NFIB: variants seen among roughly 807,000 people sequenced by gnomAD.
NFIB encodes the protein nuclear factor 1 B-type.
In NFIB, 11 loss-of-function variants were observed where a neutral mutation model predicts 61.5. The observed-to-expected ratio is 0.18, with a 90% confidence interval of 0.11 to 0.30. The LOEUF is 0.30. NFIB is among the 10% of genes least tolerant of loss of function. NFIB has a pLI of 1.00. For missense variants in NFIB, 471 were observed against 608.9 expected, an observed-to-expected ratio of 0.77 and a Z score of 2.38; for synonymous variants, 260 against 216.5, an observed-to-expected ratio of 1.20 and a Z score of -1.76.
chr9:14,387,303 C>T (rs564780701), intron 1 of NFIB, among the ~76,000 whole-genome samples: 2 of 152,292 alleles, frequency 1.3e-5, no homozygotes, highest in South Asian at 2.1e-4. Context: ...GTAGCAAGCA[C>T]GGTGACATCA....
At position 14,335,925 on chromosome 9, in the gene NFIB, G is replaced by T. The variant is rs141140960; in HGVS notation, c.109-28405C>A. ...TTGTTCCAACACCATCTATTGAAAA[G>T]ACTTTTTTCCCCCACTGAATCGAGT... On this transcript the variant is annotated intron_variant, in intron 1 of 8. Transcript: ENST00000380934. Among the ~76,000 whole-genome samples, 9 of 152,288 alleles carry T rather than the reference G, an allele frequency of 5.9e-5. No individual in the cohort carries two copies. The East Asian group carries it at 1.5e-3, about 26-fold the overall frequency.
At chr9:14,502,980 A>G in the NFIB span, among the ~76,000 whole-genome samples, 2 of 151,926 alleles carry the variant, frequency 1.3e-5, no homozygotes, top group Non-Finnish European at 2.9e-5. Context: ...CAATGTTTTC[A>G]GTTTTCCATT....
intron 2 of NFIB, among the ~76,000 whole-genome samples, chr9:14,227,662 A>G (rs2052602726): frequency 1.3e-5 from 2 of 152,164 alleles, no homozygotes; most frequent in Non-Finnish European, 2.9e-5. Flanking sequence ...CACCCCTTAC[A>G]TATGTCAATT....
chr9:14,335,791 A>G (rs1239236160), intron 1 of NFIB, among the ~76,000 whole-genome samples: 1 of 152,162 alleles, frequency 6.6e-6, no homozygotes, highest in Non-Finnish European at 1.5e-5. Flanking sequence ...TCTTTCAGAA[A>G]TTTTATAGTT....
chr9:14,506,580 G>A, the NFIB span, among the ~76,000 whole-genome samples: 2 of 152,096 alleles, frequency 1.3e-5, no homozygotes, highest in African/African-American at 4.8e-5. Context: ...GAGCTGTGAA[G>A]GAAAATAAAT....
In NFIB at chr9:14,313,801, G is replaced by A; in HGVS notation, c.-290C>T. The A allele has an allele frequency of 7.5e-7, 1 of 1,331,834 alleles. No homozygotes were observed. The highest frequency in any genetic ancestry group is 9.6e-7 in the Non-Finnish European group (1 of 1,041,270). 82.5% of individuals were successfully genotyped at this position (1,331,834 alleles called of 1,614,324 possible). A position where few individuals can be genotyped will look rare whatever the true frequency, so the allele number is the denominator to read the frequency against. The stretch of plus-strand genomic sequence containing the variant: ...CTTGCCGAGGCCGCCGCCGCCGCCG[G>A]TGTTGGCTGCTTTTCGCCTGGGTTT... On this transcript the variant is annotated 5_prime_UTR_variant, in exon 1 of 11. Transcript: ENST00000380953. The surrounding 1 kb of genome is among the most constrained non-coding windows in gnomAD (Gnocchi z 4.5).
At chr9:14,170,938 T>G (rs1211359377) in intron 3 of NFIB, among the ~76,000 whole-genome samples, 1 of 152,222 alleles carries the variant, frequency 6.6e-6, no homozygotes, top group Non-Finnish European at 1.5e-5. Flanking sequence ...TATTAAAATT[T>G]TACTTGGATT....
the NFIB span, among the ~76,000 whole-genome samples, chr9:14,435,719 C>A: frequency 1.3e-5 from 2 of 152,262 alleles, no homozygotes; most frequent in African/African-American, 4.8e-5. Context: ...AATGTGAAAA[C>A]AAACCAATAG....
At chr9:14,115,465 T>C (rs2037983995) in intron 9 of NFIB, among the ~76,000 whole-genome samples, 2 of 152,188 alleles carry the variant, frequency 1.3e-5, no homozygotes, top group African/African-American at 4.8e-5. Flanking sequence ...TCTATACTTC[T>C]AAGTATTTTA....
chr9:14,493,101 C>T, the NFIB span, among the ~76,000 whole-genome samples: 1 of 152,190 alleles, frequency 6.6e-6, no homozygotes, highest in African/African-American at 2.4e-5. Context: ...CTCAGTTCTT[C>T]TCACTCTAAG....
At chr9:14,370,076 A>AAACACCCAG (rs1240542071) in intron 1 of NFIB, among the ~76,000 whole-genome samples, 6 of 152,174 alleles carry the variant, frequency 3.9e-5, no homozygotes, top group Non-Finnish European at 1.5e-5. Flanking sequence ...CGCCATCTCC[A>AAACACCCAG]AACACCCAGT....
intron 1 of NFIB, among the ~76,000 whole-genome samples, chr9:14,383,430 CAGG>C (rs1178194975): frequency 6.6e-6 from 1 of 152,082 alleles, no homozygotes; most frequent in Non-Finnish European, 1.5e-5. Context: ...GCTGTTACAC[CAGG>C]AGGAGAGAAA....
the NFIB span, among the ~76,000 whole-genome samples, chr9:14,427,680 A>G: frequency 6.6e-6 from 1 of 152,066 alleles, no homozygotes; most frequent in African/African-American, 2.4e-5. Context: ...AGGAATAGAG[A>G]GCTTATGTTT....
the NFIB span, among the ~76,000 whole-genome samples, chr9:14,418,739 A>G: frequency 2.6e-5 from 4 of 152,210 alleles, no homozygotes; most frequent in Non-Finnish European, 5.9e-5. Flanking sequence ...AAATTCCCAT[A>G]TTACATTCAA....
the NFIB span, among the ~76,000 whole-genome samples, chr9:14,468,587 GCTC>G: frequency 6.6e-6 from 1 of 152,160 alleles, no homozygotes; most frequent in Non-Finnish European, 1.5e-5. Flanking sequence ...GCTCTAATTT[GCTC>G]CTCTTTCAGC....
the NFIB span, among the ~76,000 whole-genome samples, chr9:14,454,026 G>A: frequency 1.1e-4 from 17 of 152,020 alleles, no homozygotes; most frequent in Admixed American, 3.3e-4. Context: ...CCGAGATCGC[G>A]CCACTGCACT....
the NFIB span, among the ~76,000 whole-genome samples, chr9:14,481,875 T>G: frequency 6.6e-6 from 1 of 152,078 alleles, no homozygotes; most frequent in African/African-American, 2.4e-5. Context: ...TTTCCTCTCT[T>G]TCCCCAGTTC....
chr9:14,231,167 T>TATATATATATATATATATATATA (rs2053148843), intron 2 of NFIB, among the ~76,000 whole-genome samples: 1 of 139,296 alleles, frequency 7.2e-6, no homozygotes, highest in Non-Finnish European at 1.5e-5. Flanking sequence ...TATATATATA[T>TATATATATATATATATATATATA]TCGTTGAGAC....
chr9:14,356,126 C>G (rs1005139064), intron 1 of NFIB, among the ~76,000 whole-genome samples: 4 of 152,074 alleles, frequency 2.6e-5, no homozygotes, highest in Non-Finnish European at 5.9e-5. Flanking sequence ...ATTATGGGGT[C>G]CCAAACAAAA....
Sources: gnomAD v4.1 joint callset for allele counts (sites outside exome capture counted in the v4.1 genomes callset) on GRCh38, gnomAD v4.1.1 for gene constraint, Gnocchi (gnomAD v3.1) non-coding constraint, MANE v1.5 for transcripts, NCBI Gene and HGNC (gene_info 2026-07-23, HGNC 2026-07-21) for gene names.